The following PTPRT variants were observed in gnomAD, a reference collection of about 807,000 sequenced individuals.
The protein encoded by PTPRT is receptor-type tyrosine-protein phosphatase T.
Under a neutral mutation model 176.8 loss-of-function variants are expected in PTPRT, and 56 were observed. The ratio of observed to expected loss-of-function variants is 0.32; its 90% CI spans 0.26 to 0.40. The LOEUF (loss-of-function observed/expected upper bound fraction) is 0.40, where lower values mean the gene tolerates loss of function less well. Ranked by LOEUF, PTPRT falls within the 10% of genes least tolerant of loss-of-function variation. The probability of loss-of-function intolerance (pLI) is 1.00; values close to 1 mark genes in which losing one functional copy is unlikely to be tolerated. For missense variants in PTPRT, 1,540 were observed against 1,908.2 expected (o/e 0.81, Z 3.60); for synonymous variants, 783 against 739.0 (o/e 1.06, Z -0.96).
At chr20:43,054,505 G>A (rs149619728) in intron 1 of PTPRT, among the ~76,000 whole-genome samples, 8 of 149,076 alleles carry the variant, frequency 5.4e-5, no homozygotes, top group African/African-American at 1.5e-4. Flanking sequence ...AGTGGGCCAA[G>A]ATTGTACCAC....
chr20:42,145,557 G>A lies in PTPRT; in HGVS notation c.2683-3555C>T, dbSNP rs1402049618. Reference sequence around the variant, plus strand: ...AGATAGATAGATAGATGGATGTTGGGCTGGATTTAGCCTATGGCTATAGCT... The same window carrying A: ...AGATAGATAGATAGATGGATGTTGGACTGGATTTAGCCTATGGCTATAGCT... On this transcript the variant is annotated intron_variant, in intron 17 of 30. Coordinates refer to ENST00000373187, the MANE Select transcript of PTPRT (RefSeq NM_007050.6). Among the ~76,000 whole-genome samples, 24 of 152,100 alleles carry A rather than the reference G, an allele frequency of 1.6e-4. 1 individual carries two copies. The highest frequency in any genetic ancestry group is 3.1e-4 in the Non-Finnish European group (21 of 68,022).
At chr20:42,748,049 T>A (rs1251751675) in intron 6 of PTPRT, among the ~76,000 whole-genome samples, 2 of 152,190 alleles carry the variant, frequency 1.3e-5, no homozygotes, top group Admixed American at 1.3e-4. Context: ...CCTCTGCCTG[T>A]TTCTGTAAAT....
At chr20:42,108,990 T>C (rs1986772539) in intron 23 of PTPRT, among the ~76,000 whole-genome samples, 2 of 152,172 alleles carry the variant, frequency 1.3e-5, no homozygotes, top group Non-Finnish European at 2.9e-5. Context: ...CTTTGGGATA[T>C]AGAGATGGGG....
the PTPRT span, among the ~76,000 whole-genome samples, chr20:42,050,057 C>T: frequency 2.6e-5 from 4 of 152,316 alleles, no homozygotes; most frequent in East Asian, 1.9e-4. Flanking sequence ...ACAAATATTT[C>T]GGAGAACTCC....
rs576877277 is a variant in PTPRT at position 42,389,125 on chromosome 20, G to A, written c.1561-36840C>T. Among the ~76,000 whole-genome samples, 5 of 135,476 alleles carry A rather than the reference G, an allele frequency of 3.7e-5. No homozygotes were observed. The South Asian group carries it at 8.2e-4, about 22-fold the overall frequency. The allele number at this position is 135,476 out of a possible 152,430, so 88.9% of individuals were successfully genotyped here. A position where few individuals can be genotyped will look rare whatever the true frequency, so the allele number is the denominator to read the frequency against. ...GGAACATCACACACTGGGGCCTGTC[G>A]TGGGGTGAGGGGAGGGGGGAGGGAT... On this transcript the variant is annotated intron_variant, in intron 9 of 30. Coordinates refer to ENST00000373187, the MANE Select transcript of PTPRT (RefSeq NM_007050.6).
chr20:42,049,350 G>A, the PTPRT span, among the ~76,000 whole-genome samples: 2 of 152,178 alleles, frequency 1.3e-5, no homozygotes, highest in African/African-American at 4.8e-5. Flanking sequence ...TCCCCTTAGG[G>A]GAATATTGGT....
At chr20:42,813,206 C>T (rs2077726253) in intron 2 of PTPRT, among the ~76,000 whole-genome samples, 1 of 152,090 alleles carries the variant, frequency 6.6e-6, no homozygotes, top group African/African-American at 2.4e-5. Context: ...CTCATGCTGT[C>T]CATTTATTCC....
intron 6 of PTPRT, among the ~76,000 whole-genome samples, chr20:42,724,870 CT>C (rs149915327): frequency 0.012 from 1,856 of 152,304 alleles, 45 homozygotes; most frequent in African/African-American, 0.043. Flanking sequence ...TTTTATACCC[CT>C]TGTGATTACA....
chr20:42,389,499 T>C (rs2058778898), intron 9 of PTPRT, among the ~76,000 whole-genome samples: 1 of 152,092 alleles, frequency 6.6e-6, no homozygotes, highest in Non-Finnish European at 1.5e-5. Context: ...TGGGGCCTAA[T>C]GGGAGGTGTT....
intron 15 of PTPRT, among the ~76,000 whole-genome samples, chr20:42,218,547 C>T (rs1294497154): frequency 6.6e-6 from 1 of 152,178 alleles, no homozygotes; most frequent in Non-Finnish European, 1.5e-5. Flanking sequence ...CCCTTACTTT[C>T]CCTCCTATTA....
chr20:42,548,251 T>C (rs1250240572), intron 7 of PTPRT, among the ~76,000 whole-genome samples: 1 of 151,974 alleles, frequency 6.6e-6, no homozygotes, highest in Non-Finnish European at 1.5e-5. Context: ...AGAATAACAA[T>C]CCATGACTAG....
intron 19 of PTPRT, among the ~76,000 whole-genome samples, chr20:42,125,038 T>C (rs923136707): frequency 1.1e-4 from 16 of 152,148 alleles, no homozygotes; most frequent in Non-Finnish European, 8.8e-5. Context: ...TTGCTTGACC[T>C]TGTCACTCAA....
At chr20:42,464,928 G>A (rs1334363168) in intron 8 of PTPRT, among the ~76,000 whole-genome samples, 1 of 152,010 alleles carries the variant, frequency 6.6e-6, no homozygotes. Flanking sequence ...ACTTAATAAA[G>A]GTACTCATTC....
At chr20:43,084,229 C>T (rs1406748726) in intron 1 of PTPRT, among the ~76,000 whole-genome samples, 1 of 152,180 alleles carries the variant, frequency 6.6e-6, no homozygotes, top group Non-Finnish European at 1.5e-5. Context: ...TCCTCACCAG[C>T]CCTGTGTGAG....
At chr20:42,978,646 A>G (rs904856858) in intron 1 of PTPRT, among the ~76,000 whole-genome samples, 1 of 152,160 alleles carries the variant, frequency 6.6e-6, no homozygotes, top group African/African-American at 2.4e-5. Flanking sequence ...AGGTCGGCAC[A>G]AGATACAGGT....
intron 17 of PTPRT, among the ~76,000 whole-genome samples, chr20:42,147,671 A>G (rs1420286111): frequency 6.6e-6 from 1 of 152,062 alleles, no homozygotes; most frequent in African/African-American, 2.4e-5. Flanking sequence ...TCCCTCAACA[A>G]TCCTAAACCG....
chr20:42,312,373 G>A (rs2057647031), intron 12 of PTPRT, among the ~76,000 whole-genome samples: 1 of 152,148 alleles, frequency 6.6e-6, no homozygotes, highest in Non-Finnish European at 1.5e-5. Flanking sequence ...TAACATCATT[G>A]TCTGCTGCCC....
At chr20:42,542,449 A>G (rs2072600765) in intron 7 of PTPRT, among the ~76,000 whole-genome samples, 2 of 152,192 alleles carry the variant, frequency 1.3e-5, no homozygotes, top group Non-Finnish European at 2.9e-5. Flanking sequence ...CAAATTCCAG[A>G]CACATAAAAT....
At chr20:43,118,166 G>C (rs146479350) in intron 1 of PTPRT, among the ~76,000 whole-genome samples, 1 of 152,300 alleles carries the variant, frequency 6.6e-6, no homozygotes, top group East Asian at 1.9e-4. Context: ...AAATGAGCAA[G>C]GCTCATGAGG....
Sources: gnomAD v4.1 joint callset for allele counts (sites outside exome capture counted in the v4.1 genomes callset) on GRCh38, gnomAD v4.1.1 for gene constraint, MANE v1.5 for transcripts, NCBI Gene and HGNC (gene_info 2026-07-23, HGNC 2026-07-21) for gene names.